Variants in NTM observed in about 807,000 individuals in gnomAD.
The protein encoded by NTM is neurotrimin.
NTM carries 13 observed loss-of-function variants against 42.1 expected under a neutral mutation model. That is an observed-to-expected ratio of 0.31 (90% CI 0.20 to 0.49). NTM has a LOEUF of 0.49. NTM is among the 20% of genes least tolerant of loss of function. NTM has a pLI of 0.99. For missense variants in NTM, 373 were observed against 452.8 expected, an observed-to-expected ratio of 0.82 and a Z score of 1.60; for synonymous variants, 187 against 179.2, an observed-to-expected ratio of 1.04 and a Z score of -0.35.
chr11:131,402,612 C>CCACT (rs1945372412), intron 1 of NTM, among the ~76,000 whole-genome samples: 1 of 152,172 alleles, frequency 6.6e-6, no homozygotes, highest in East Asian at 1.9e-4. Flanking sequence ...TCGTGCGTGC[C>CCACT]CACTCAGAAT....
chr11:131,908,053 T>A (rs1043087829), intron 1 of NTM, among the ~76,000 whole-genome samples: 4 of 152,366 alleles, frequency 2.6e-5, no homozygotes, highest in Admixed American at 2.0e-4. Context: ...GAAGCAGGTA[T>A]GAGGTTGCAA....
intron 1 of NTM, among the ~76,000 whole-genome samples, chr11:131,812,439 C>T (rs2092776488): frequency 6.6e-6 from 1 of 152,118 alleles, no homozygotes; most frequent in African/African-American, 2.4e-5. Context: ...TATTTGCCCC[C>T]TAACATTAGA....
At chr11:131,827,762 A>G (rs2042306470) in intron 1 of NTM, among the ~76,000 whole-genome samples, 1 of 152,204 alleles carries the variant, frequency 6.6e-6, no homozygotes, top group South Asian at 2.1e-4. Context: ...TAAATTACAG[A>G]TATCTGGTGT....
chr11:131,999,009 C>G (rs2135250957), intron 2 of NTM, among the ~76,000 whole-genome samples: 1 of 152,270 alleles, frequency 6.6e-6, no homozygotes, highest in Non-Finnish European at 1.5e-5. Context: ...TCCCTTCTTT[C>G]CAGATCCAGA....
intron 2 of NTM, among the ~76,000 whole-genome samples, chr11:131,976,081 G>A (rs2064290264): frequency 6.6e-6 from 1 of 151,274 alleles, no homozygotes; most frequent in Non-Finnish European, 1.5e-5. Context: ...CAGTTTGATG[G>A]TCCTTCCTTC....
intron 1 of NTM, among the ~76,000 whole-genome samples, chr11:131,613,746 C>T (rs2061657307): frequency 6.6e-6 from 1 of 152,110 alleles, no homozygotes; most frequent in African/African-American, 2.4e-5. Flanking sequence ...GACGTGGAGA[C>T]TCCGAGAAGT....
intron 1 of NTM, among the ~76,000 whole-genome samples, chr11:131,450,375 G>C (rs1950390088): frequency 6.6e-6 from 1 of 152,190 alleles, no homozygotes; most frequent in Non-Finnish European, 1.5e-5. Flanking sequence ...AGTCAAAGAA[G>C]AGCTGCTATT....
At chr11:131,946,973 A>G (rs186164787) in intron 2 of NTM, among the ~76,000 whole-genome samples, 188 of 152,348 alleles carry the variant, frequency 1.2e-3, no homozygotes, top group African/African-American at 4.3e-3. Flanking sequence ...TGGTATACAA[A>G]TTAAAAGCTT....
At chr11:131,869,438 G>A (rs778896162) in intron 1 of NTM, among the ~76,000 whole-genome samples, 8 of 152,202 alleles carry the variant, frequency 5.3e-5, no homozygotes, top group Non-Finnish European at 7.3e-5. Context: ...CAATATAAGA[G>A]TGAAGAAGTT....
chr11:132,187,943 G>A (rs2078686954), intron 3 of NTM, among the ~76,000 whole-genome samples: 2 of 152,158 alleles, frequency 1.3e-5, no homozygotes, highest in Admixed American at 6.5e-5. Flanking sequence ...TGTCTACGTG[G>A]AGACTTCCAA....
chr11:131,962,316 A>G (rs1169875580), intron 2 of NTM, among the ~76,000 whole-genome samples: 1 of 152,158 alleles, frequency 6.6e-6, no homozygotes, highest in Non-Finnish European at 1.5e-5. Context: ...ACACATTTCT[A>G]ATGTTATGGA....
intron 2 of NTM, among the ~76,000 whole-genome samples, chr11:131,989,557 A>G (rs758235958): frequency 1.1e-4 from 16 of 152,228 alleles, no homozygotes; most frequent in South Asian, 2.1e-4. Flanking sequence ...AGAGGAAATG[A>G]CATCAGTTAA....
At chr11:132,158,744 A>G (rs1352601501) in intron 3 of NTM, among the ~76,000 whole-genome samples, 1 of 152,194 alleles carries the variant, frequency 6.6e-6, no homozygotes, top group Non-Finnish European at 1.5e-5. Context: ...TGTTACTTCT[A>G]TCAAAATGTT....
chr11:132,155,592 C>A (rs1300200920), intron 3 of NTM, among the ~76,000 whole-genome samples: 1 of 152,214 alleles, frequency 6.6e-6, no homozygotes, highest in Non-Finnish European at 1.5e-5. Context: ...TTCCTCAGCT[C>A]TCTTGCCACC....
intron 1 of NTM, among the ~76,000 whole-genome samples, chr11:131,761,437 G>A (rs1236277571): frequency 6.6e-6 from 1 of 152,090 alleles, no homozygotes; most frequent in Non-Finnish European, 1.5e-5. Flanking sequence ...TTTGGAGATG[G>A]GGCCTTTGAG....
chr11:131,449,781 C>T (rs567601367), intron 1 of NTM, among the ~76,000 whole-genome samples: 1 of 152,290 alleles, frequency 6.6e-6, no homozygotes, highest in East Asian at 1.9e-4. Context: ...CTTGGAAGCC[C>T]AGCTCATGTC....
intron 1 of NTM, among the ~76,000 whole-genome samples, chr11:131,725,035 G>A (rs2078794650): frequency 1.3e-5 from 2 of 152,170 alleles, no homozygotes; most frequent in African/African-American, 4.8e-5. Flanking sequence ...TGATCAAGGA[G>A]TATCTTGTTC....
intron 1 of NTM, among the ~76,000 whole-genome samples, chr11:131,727,955 G>A (rs1434609699): frequency 6.6e-6 from 1 of 152,182 alleles, no homozygotes; most frequent in Non-Finnish European, 1.5e-5. Context: ...TGAGAGCAGG[G>A]CCAGCTTGTA....
At chr11:131,408,267 T>G (rs1029608612) in intron 1 of NTM, among the ~76,000 whole-genome samples, 1 of 152,170 alleles carries the variant, frequency 6.6e-6, no homozygotes, top group African/African-American at 2.4e-5. Flanking sequence ...GCAAAATATT[T>G]GCTGAGATGT....
Sources: allele counts gnomAD v4.1 joint callset (sites outside exome capture counted in the v4.1 genomes callset), GRCh38; gene constraint gnomAD v4.1.1; transcripts MANE v1.5; gene names NCBI Gene and HGNC (gene_info 2026-07-23, HGNC 2026-07-21).